Variants in SLC44A1 observed in about 807,000 individuals in gnomAD.
SLC44A1 encodes the protein choline transporter-like protein 1.
In SLC44A1, 26 loss-of-function variants were observed where a neutral mutation model predicts 79.3. That is an observed-to-expected ratio of 0.33 (90% CI 0.24 to 0.46). The LOEUF (loss-of-function observed/expected upper bound fraction) is 0.46. SLC44A1 is among the 20% of genes least tolerant of loss of function. The probability of loss-of-function intolerance (pLI) is 1.00; values close to 1 mark genes in which losing one functional copy is unlikely to be tolerated. For synonymous variants in SLC44A1, 263 were observed against 286.2 expected (o/e 0.92, Z 0.82); for missense variants, 688 against 798.1 (o/e 0.86, Z 1.66).
intron 15 of SLC44A1, among the ~76,000 whole-genome samples, chr9:105,435,751 T>A (rs1341498885): frequency 6.6e-6 from 1 of 152,200 alleles, no homozygotes; most frequent in African/African-American, 2.4e-5. Flanking sequence ...GGAGTTTAGC[T>A]AATAGCAGTG....
At chr9:105,433,377 G>A (rs188277478) in intron 15 of SLC44A1, among the ~76,000 whole-genome samples, 2 of 152,068 alleles carry the variant, frequency 1.3e-5, no homozygotes, top group Admixed American at 1.3e-4. Context: ...ATTTAAATGG[G>A]TACCCCACAA....
rs921279110 is a variant in SLC44A1 at position 105,364,560 on chromosome 9, C to T, written c.1093C>T (p.Pro365Ser). ...CTTCCTTGATATTTTCCTAGGCAGT[C>T]CTGTTCAGAATGAGCAAGGCTTTGT... The part of the protein sequence containing the change: ...TLLFLGTTGS[P>S]VQNEQGFVEF... Residue 365 changes from proline to serine, a missense_variant, in exon 10 of 16, where the codon CCT (proline) becomes TCT (serine). By Grantham distance (74) the Pro-to-Ser change is moderately conservative. Coordinates refer to ENST00000374720, the MANE Select transcript of SLC44A1 (RefSeq NM_080546.5). 1.2e-6 allele frequency: 2 copies of T among 1,611,508 alleles called. No individual in the cohort carries two copies. Among genetic ancestry groups the T allele is most frequent in the African/African-American group, 2.7e-5 (2 of 74,776 alleles).
At chr9:105,362,775 G>A (rs759503510) in intron 8 of SLC44A1, 46 bp from the exon 9 acceptor site, 2 of 1,423,030 alleles carry the variant, frequency 1.4e-6, no homozygotes, top group African/African-American at 2.9e-5. Context: ...TTCGGTTTCT[G>A]TTTTCACTAC....
intron 15 of SLC44A1, among the ~76,000 whole-genome samples, chr9:105,422,566 G>A (rs1829268380): frequency 6.6e-6 from 1 of 152,074 alleles, no homozygotes; most frequent in Non-Finnish European, 1.5e-5. Flanking sequence ...GATTACAGGT[G>A]TGAGCCACTG....
chr9:105,289,128 T>C (rs1057106014), intron 1 of SLC44A1, among the ~76,000 whole-genome samples: 2 of 152,258 alleles, frequency 1.3e-5, no homozygotes, highest in African/African-American at 4.8e-5. Context: ...TAAGGCCGTC[T>C]GTTCTAACAT....
chr9:105,284,163 T>A (rs936647922), intron 1 of SLC44A1, among the ~76,000 whole-genome samples: 1 of 152,100 alleles, frequency 6.6e-6, no homozygotes, highest in Non-Finnish European at 1.5e-5. Context: ...ACCTAATAGG[T>A]GCTAAGTAAA....
chr9:105,418,314 CAA>C (rs10617928), intron 15 of SLC44A1, among the ~76,000 whole-genome samples: 3,346 of 57,820 alleles, frequency 0.058, 35 homozygotes, highest in African/African-American at 0.079. Flanking sequence ...AACTCCGTCT[CAA>C]AAAAAAAAAA....
chr9:105,336,134 A>ATGTGTGTGTGTGTGTGTG (rs35324360), intron 4 of SLC44A1, among the ~76,000 whole-genome samples: 75 of 145,068 alleles, frequency 5.2e-4, no homozygotes, highest in African/African-American at 1.7e-3. Flanking sequence ...GTGTGTGTGC[A>ATGTGTGTGTGTGTGTGTG]TGTGTGTGTG....
At chr9:105,271,807 T>A (rs979334055) in intron 1 of SLC44A1, among the ~76,000 whole-genome samples, 1 of 152,018 alleles carries the variant, frequency 6.6e-6, no homozygotes, top group Non-Finnish European at 1.5e-5. Context: ...AGAGACGGGG[T>A]TTCGCTATGT....
chr9:105,284,259 T>A (rs1455399811), intron 1 of SLC44A1, among the ~76,000 whole-genome samples: 1 of 148,328 alleles, frequency 6.7e-6, no homozygotes, highest in Non-Finnish European at 1.5e-5. Context: ...AGAGATAGGG[T>A]CTCACTTTGT....
chr9:105,287,996 A>G (rs1306885111), intron 1 of SLC44A1, among the ~76,000 whole-genome samples: 2 of 152,220 alleles, frequency 1.3e-5, no homozygotes, highest in African/African-American at 4.8e-5. Context: ...TATATAATGT[A>G]TGTTATTTCT....
Position 105,390,012 on chromosome 9 carries a change from T to C in SLC44A1, c.*956T>C. ...TCAGAGTAACGTCAGTGGCTTAGGG[T>C]TAAACGGCCATTTTATTCAAATGCT... On this transcript the variant is annotated 3_prime_UTR_variant, in exon 16 of 16. Coordinates refer to ENST00000374720, the MANE Select transcript of SLC44A1 (RefSeq NM_080546.5). The C allele has an allele frequency of 7.2e-7, 1 of 1,385,562 alleles. No individual in the cohort carries two copies. The allele number at this position is 1,385,562 out of a possible 1,614,324, so 85.8% of individuals were successfully genotyped here.
At chr9:105,438,318 A>G (rs1473532758) in exon 16 of SLC44A1, 6 of 1,548,434 alleles carry the variant, frequency 3.9e-6, no homozygotes, top group Non-Finnish European at 5.2e-6. Flanking sequence ...GCCCTGAAGA[A>G]TGAACTCAGA....
chr9:105,423,367 A>G (rs1829279624), intron 15 of SLC44A1, among the ~76,000 whole-genome samples: 1 of 152,152 alleles, frequency 6.6e-6, no homozygotes, highest in Non-Finnish European at 1.5e-5. Flanking sequence ...CAGGAGGCTG[A>G]GGCAGGGAGA....
chr9:105,276,565 CGTGTGTGT>C (rs60259632), intron 1 of SLC44A1, among the ~76,000 whole-genome samples: 6,213 of 118,924 alleles, frequency 0.052, 260 homozygotes, highest in African/African-American at 0.14. Context: ...GATGGGGAGC[CGTGTGTGT>C]GTGTGTGTGT....
chr9:105,384,610 A>G (rs546585909), intron 14 of SLC44A1, among the ~76,000 whole-genome samples: 17 of 152,312 alleles, frequency 1.1e-4, no homozygotes, highest in African/African-American at 4.1e-4. Context: ...AACTAATTCT[A>G]ACTGGTTATT....
chr9:105,376,625 C>T (rs1297943329), intron 13 of SLC44A1, among the ~76,000 whole-genome samples: 1 of 152,054 alleles, frequency 6.6e-6, no homozygotes. Context: ...CTGCCCACCT[C>T]GGCCTCCCAA....
In SLC44A1 at chr9:105,350,876, AAGC is replaced by A. The variant is rs1328073677; in HGVS notation, c.500+2430_500+2432del. Among the ~76,000 whole-genome samples, 3 of 152,204 alleles carry A rather than the reference AAGC, an allele frequency of 2.0e-5. No individual in the cohort carries two copies. The East Asian group carries it at 5.8e-4, about 29-fold the overall frequency. ...GTATCCAGGGGCCTTCTACAGCTAAAAGCAGCACCTGTTTTAGAGAAAAGCAAT... is the reference window on the plus strand; with the variant it reads ...GTATCCAGGGGCCTTCTACAGCTAAAAGCACCTGTTTTAGAGAAAAGCAAT... On this transcript the variant is annotated intron_variant, in intron 5 of 15. Transcript: ENST00000374720.
At chr9:105,424,163 G>T (rs1829290480) in intron 15 of SLC44A1, among the ~76,000 whole-genome samples, 1 of 152,118 alleles carries the variant, frequency 6.6e-6, no homozygotes, top group Admixed American at 6.5e-5. Context: ...CCCTGCTCTT[G>T]CCCTCCTCTC....
Sources: allele counts gnomAD v4.1 joint callset (sites outside exome capture counted in the v4.1 genomes callset), GRCh38; gene constraint gnomAD v4.1.1; transcripts MANE v1.5; gene names NCBI Gene and HGNC (gene_info 2026-07-23, HGNC 2026-07-21).